ELL2: variants seen among roughly 807,000 people sequenced by gnomAD.
The protein encoded by ELL2 is elongation factor for RNA polymerase II 2.
A neutral mutation model predicts 72.8 loss-of-function variants in ELL2; 21 were observed. That is an observed-to-expected ratio of 0.29 (90% confidence interval 0.20 to 0.42). ELL2 has a LOEUF of 0.42. Ranked by LOEUF, ELL2 falls within the 10% of genes least tolerant of loss-of-function variation. ELL2 has a pLI of 1.00. For synonymous variants in ELL2, 266 were observed against 283.2 expected, an observed-to-expected ratio of 0.94 and a Z score of 0.61; for missense variants, 568 against 772.8, an observed-to-expected ratio of 0.73 and a Z score of 3.14.
chr5:95,953,964 T>C (rs1751518268), intron 1 of ELL2, among the ~76,000 whole-genome samples: 1 of 152,208 alleles, frequency 6.6e-6, no homozygotes. Flanking sequence ...GTACAATTTA[T>C]AGACGTTATT....
intron 1 of ELL2, among the ~76,000 whole-genome samples, chr5:95,954,403 CTTT>C (rs996595214): frequency 1.6e-5 from 2 of 122,460 alleles, no homozygotes; most frequent in African/African-American, 3.0e-5. Flanking sequence ...TTAAATTATT[CTTT>C]TTTTTTTTTT....
intron 2 of ELL2, among the ~76,000 whole-genome samples, chr5:95,934,777 GA>G (rs1750717229): frequency 6.6e-6 from 1 of 152,076 alleles, no homozygotes; most frequent in Admixed American, 6.5e-5. Context: ...TTTCTCCTTA[GA>G]GTCTTGTCAT....
intron 2 of ELL2, among the ~76,000 whole-genome samples, chr5:95,937,535 T>A (rs1445640992): frequency 6.6e-6 from 1 of 150,544 alleles, no homozygotes; most frequent in African/African-American, 2.4e-5. Flanking sequence ...GTACGTGTTG[T>A]GTGTGTGTAT....
chr5:95,933,247 T>C (rs974466305), intron 2 of ELL2, among the ~76,000 whole-genome samples: 29 of 152,218 alleles, frequency 1.9e-4, no homozygotes, highest in African/African-American at 6.8e-4. Flanking sequence ...GTGACAGTTA[T>C]TGAAAACTTT....
intron 2 of ELL2, among the ~76,000 whole-genome samples, chr5:95,938,387 T>G (rs1214195355): frequency 1.3e-5 from 2 of 152,154 alleles, no homozygotes; most frequent in Non-Finnish European, 2.9e-5. Flanking sequence ...TTATAGAAAA[T>G]ATTTTCTATT....
Position 95,898,290 on chromosome 5 carries a change from C to T in ELL2, c.1475G>A (p.Arg492Lys), listed in dbSNP as rs764561455. 1 of 1,611,882 alleles carries T rather than the reference C, an allele frequency of 6.2e-7. No homozygotes were observed. The highest frequency in any genetic ancestry group is 1.1e-5 in the South Asian group (1 of 90,438). The change falls in exon 8 of 12, where the codon AGA (arginine) becomes AAA (lysine). Residue 492 changes from arginine to lysine, a missense_variant. Around this residue, in one of 2 missense-constraint regions of ELL2, gnomAD observed 511 missense variants for 728.4 expected, o/e 0.70. Transcript: ENST00000237853. ...ATTTAGCTTGGCAATTTCCTCTTCT[C>T]TCTTAAGATCTTCCTCCTTTTCCTC... The part of the protein sequence containing the change: ...TIEEKEEDLK[R>K]EEEIAKLNNS...
At position 95,898,208 on chromosome 5, in the gene ELL2, A is replaced by G. The variant is rs200144988; in HGVS notation, c.1525+32T>C. 1.8e-4 allele frequency: 267 copies of G among 1,514,864 alleles called. 3 individuals carry two copies. In the Middle Eastern group the frequency reaches 2.3e-3, roughly 13 times the overall value. The allele number at this position is 1,514,864 out of a possible 1,614,324, so 93.8% of individuals were successfully genotyped here. ...TGTGTAATTTCAAACTCATGATAGC[A>G]TGCACTTCTGGTTCATCTAAAGGTA... On this transcript the variant is annotated intron_variant, in intron 8 of 11. Coordinates refer to ENST00000237853, the MANE Select transcript of ELL2 (RefSeq NM_012081.6).
chr5:95,948,288 G>A (rs751298502), intron 1 of ELL2, among the ~76,000 whole-genome samples: 4 of 151,914 alleles, frequency 2.6e-5, no homozygotes, highest in Non-Finnish European at 5.9e-5. Flanking sequence ...AAAATTAGCC[G>A]GGTGTGGTGT....
At chr5:95,949,436 C>T (rs1257221645) in intron 1 of ELL2, among the ~76,000 whole-genome samples, 1 of 152,020 alleles carries the variant, frequency 6.6e-6, no homozygotes, top group Non-Finnish European at 1.5e-5. Flanking sequence ...CATTCTGGGC[C>T]TAGAAAATAA....
chr5:95,909,423 C>A (rs1440446273), intron 4 of ELL2, among the ~76,000 whole-genome samples: 1 of 152,132 alleles, frequency 6.6e-6, no homozygotes, highest in African/African-American at 2.4e-5. Flanking sequence ...CCTCCCCATC[C>A]CTTTTGTGCC....
At position 95,921,426 on chromosome 5, in the gene ELL2, A is replaced by G. The variant is rs982642164; in HGVS notation, c.196-1881T>C. Among the ~76,000 whole-genome samples the G allele has an allele frequency of 1.1e-4, 17 of 152,104 alleles. 1 individual carries two copies. The highest frequency in any genetic ancestry group is 2.4e-4 in the Non-Finnish European group (16 of 68,002). On this transcript the variant is annotated intron_variant, in intron 2 of 11. Transcript: ENST00000237853. Reference sequence around the variant, plus strand: ...GGCACAAGTTTCTGTGTTTTTATCTATTTTATAAATATCTTTTGAGGGCCC... The same window carrying G: ...GGCACAAGTTTCTGTGTTTTTATCTGTTTTATAAATATCTTTTGAGGGCCC...
chr5:95,960,261 C>T (rs1294137684), intron 1 of ELL2, among the ~76,000 whole-genome samples: 1 of 151,836 alleles, frequency 6.6e-6, no homozygotes, highest in African/African-American at 2.4e-5. Context: ...ATCTCCCTTC[C>T]GACTCTCTCC....
At chr5:95,903,532 G>T (rs1749228824) in intron 5 of ELL2, among the ~76,000 whole-genome samples, 1 of 151,954 alleles carries the variant, frequency 6.6e-6, no homozygotes, top group Non-Finnish European at 1.5e-5. Flanking sequence ...CCTGGCCTAG[G>T]ACCTTTGTTT....
rs1366447583 is a variant in ELL2, at chr5:95,887,505, TGAAAAGACAATAC to T, written c.*1353_*1365del. The T allele has an allele frequency of 2.0e-5, 3 of 152,670 alleles. No homozygotes were observed. The highest frequency in any genetic ancestry group is 7.2e-5 in the African/African-American group (3 of 41,466). 9.5% of individuals were successfully genotyped at this position (152,670 alleles called of 1,614,324 possible). A position where few individuals can be genotyped will look rare whatever the true frequency, so the allele number is the denominator to read the frequency against. ...CTTCCCTTTTCAACTGGCAGCACTT[TGAAAAGACAATAC>T]AATAAGACAATACAACTTGAATCAA... On this transcript the variant is annotated 3_prime_UTR_variant, in exon 12 of 12. Coordinates refer to ENST00000237853, the MANE Select transcript of ELL2 (RefSeq NM_012081.6).
chr5:95,930,880 G>C lies in ELL2; in HGVS notation c.196-11335C>G, dbSNP rs188529822. On this transcript the variant is annotated intron_variant, in intron 2 of 11. Transcript: ENST00000237853. ...TCTTAAATGAACATTACAAAAGTGTGTGTGTAAAAATATGCACCATTTTGT... is the reference window on the plus strand; with the variant it reads ...TCTTAAATGAACATTACAAAAGTGTCTGTGTAAAAATATGCACCATTTTGT... 7.9e-4 allele frequency among the ~76,000 whole-genome samples: 119 copies of C among 151,064 alleles called. 1 individual carries two copies. Among genetic ancestry groups the C allele is most frequent in the African/African-American group, 2.8e-3 (116 of 40,730 alleles).
Position 95,888,677 on chromosome 5 carries a change from TG to T in ELL2, c.*193del. The T allele has an allele frequency of 2.5e-6, 1 of 406,686 alleles. No homozygotes were observed. Among genetic ancestry groups the T allele is most frequent in the Non-Finnish European group, 4.3e-6 (1 of 233,102 alleles). 25.2% of individuals were successfully genotyped at this position (406,686 alleles called of 1,614,324 possible). A position where few individuals can be genotyped will look rare whatever the true frequency, so the allele number is the denominator to read the frequency against. On this transcript the variant is annotated 3_prime_UTR_variant, in exon 12 of 12. Coordinates refer to ENST00000237853, the MANE Select transcript of ELL2 (RefSeq NM_012081.6). ...AACACAAGTCTTGGGGGTGGGGTGG[TG>T]GGGAGGACCAGAAAGAGCAGCTTCG... is the stretch of plus-strand genomic sequence containing the variant.
At chr5:95,911,193 T>C (rs1330773445) in intron 4 of ELL2, among the ~76,000 whole-genome samples, 1 of 151,358 alleles carries the variant, frequency 6.6e-6, no homozygotes, top group Admixed American at 6.6e-5. Flanking sequence ...AAACAATATA[T>C]GAGAAAGAGC....
chr5:95,956,532 G>A (rs1192548917), intron 1 of ELL2, among the ~76,000 whole-genome samples: 1 of 152,168 alleles, frequency 6.6e-6, no homozygotes, highest in African/African-American at 2.4e-5. Context: ...AGGTCTGGAT[G>A]CTCAAGTGGT....
chr5:95,916,438 CAGCTACAG>C (rs1218143307), intron 3 of ELL2, among the ~76,000 whole-genome samples: 2 of 152,260 alleles, frequency 1.3e-5, no homozygotes, highest in Admixed American at 1.3e-4. Flanking sequence ...TGAAAAGCCA[CAGCTACAG>C]AGGTAGGAAG....
Sources: gnomAD v4.1 joint callset for allele counts (sites outside exome capture counted in the v4.1 genomes callset) on GRCh38, gnomAD v4.1.1 for gene constraint, gnomAD v4.1.1 regional missense constraint, MANE v1.5 for transcripts, NCBI Gene and HGNC (gene_info 2026-07-23, HGNC 2026-07-21) for gene names.